Variants in SLC2A14 observed in about 807,000 individuals in gnomAD.
The protein encoded by SLC2A14 is solute carrier family 2, facilitated glucose transporter member 14.
Under a neutral mutation model 43.0 loss-of-function variants are expected in SLC2A14, and 13 were observed. The observed-to-expected ratio is 0.30, with a 90% CI of 0.20 to 0.48. The LOEUF is 0.48. SLC2A14 is among the 20% of genes least tolerant of loss of function. The pLI is 0.99. For synonymous variants in SLC2A14, 190 were observed against 233.8 expected (o/e 0.81, Z 1.71); for missense variants, 428 against 620.4 (o/e 0.69, Z 3.29).
chr12:7,860,153 T>C (rs923206284), intron 2 of SLC2A14, among the ~76,000 whole-genome samples: 1 of 152,036 alleles, frequency 6.6e-6, no homozygotes, highest in Non-Finnish European at 1.5e-5. Flanking sequence ...GTACTGGCCC[T>C]GGAGAAAAAC....
intron 2 of SLC2A14, chr12:7,840,025 T>C (rs1865808145): frequency 1.5e-5 from 5 of 341,014 alleles, no homozygotes; most frequent in Admixed American, 7.8e-5. Context: ...GGTGGGAGGA[T>C]CACTTGAGCC....
intron 1 of SLC2A14, among the ~76,000 whole-genome samples, chr12:7,882,649 C>A (rs1945607158): frequency 6.6e-6 from 1 of 152,140 alleles, no homozygotes; most frequent in African/African-American, 2.4e-5. Flanking sequence ...CCAGCCTGGT[C>A]AACATGGCTA....
intron 1 of SLC2A14, among the ~76,000 whole-genome samples, chr12:7,882,898 A>C (rs764608573): frequency 6.6e-6 from 1 of 151,790 alleles, no homozygotes; most frequent in Non-Finnish European, 1.5e-5. Context: ...TTTAAAAAAA[A>C]AAAAGGACTA....
At chr12:7,882,642 G>C (rs893908999) in intron 1 of SLC2A14, among the ~76,000 whole-genome samples, 2 of 152,140 alleles carry the variant, frequency 1.3e-5, no homozygotes, top group African/African-American at 4.8e-5. Context: ...TTAAAGACCA[G>C]CCTGGTCAAC....
chr12:7,854,273 C>G (rs1312613534), intron 2 of SLC2A14, among the ~76,000 whole-genome samples: 3 of 152,004 alleles, frequency 2.0e-5, no homozygotes, highest in Non-Finnish European at 4.4e-5. Context: ...ATTGCAAAAG[C>G]TAGGAGTTAT....
intron 2 of SLC2A14, among the ~76,000 whole-genome samples, chr12:7,868,660 C>T (rs1945051942): frequency 1.3e-5 from 2 of 152,068 alleles, no homozygotes; most frequent in Non-Finnish European, 2.9e-5. Flanking sequence ...CAGAAAAAAG[C>T]TACATATTAG....
At chr12:7,856,636 T>A (rs1218175122) in intron 2 of SLC2A14, among the ~76,000 whole-genome samples, 2 of 152,104 alleles carry the variant, frequency 1.3e-5, no homozygotes, top group Non-Finnish European at 2.9e-5. Context: ...ATTGACGGCA[T>A]CGATGGAGAT....
Position 7,832,711 on chromosome 12 carries a change from C to G in SLC2A14, c.111+11G>C. 1.9e-6 allele frequency: 3 copies of G among 1,613,088 alleles called. No individual in the cohort carries two copies. Among genetic ancestry groups the G allele is most frequent in the Non-Finnish European group, 1.7e-6 (2 of 1,179,248 alleles). ...TATTCCAGATTCTAATTCTTGTGGCCTGGCACTCACCGTCTCAGGAGCATT... is the reference window on the plus strand; with the variant it reads ...TATTCCAGATTCTAATTCTTGTGGCGTGGCACTCACCGTCTCAGGAGCATT... On this transcript the variant is annotated intron_variant, in intron 3 of 10. Transcript: ENST00000431042.
rs116469990 is a variant in SLC2A14, at chr12:7,870,859, G to A, written c.-57-922C>T. On this transcript the variant is annotated intron_variant, in intron 1 of 10. Transcript: ENST00000431042. ...CACCCACCTGAAGCCAAAATGTTCA[G>A]CAAGTGGACCAAAGCCAAGACCACC... 7.5e-4 allele frequency: 958 copies of A among 1,285,154 alleles called. 5 individuals carry two copies. The African/African-American group carries it at 0.013, about 18-fold the overall frequency. 79.6% of individuals were successfully genotyped at this position (1,285,154 alleles called of 1,614,324 possible). A position where few individuals can be genotyped will look rare whatever the true frequency, so the allele number is the denominator to read the frequency against.
chr12:7,832,590 C>T (rs1159254163), intron 3 of SLC2A14, 132 bp downstream of exon 3: 4 of 938,472 alleles, frequency 4.3e-6, no homozygotes, highest in South Asian at 1.6e-5. Context: ...ATCTTTAAGC[C>T]TCAGCCTCCG....
chr12:7,883,037 T>C (rs146644657), intron 1 of SLC2A14, among the ~76,000 whole-genome samples: 1,867 of 146,494 alleles, frequency 0.013, 33 homozygotes, highest in African/African-American at 0.048. Flanking sequence ...GGTGAAACCC[T>C]GTCTCTACTA....
At chr12:7,816,085 TTTTA>T (rs1863424171) in intron 10 of SLC2A14, among the ~76,000 whole-genome samples, 1 of 45,436 alleles carries the variant, frequency 2.2e-5, no homozygotes, top group African/African-American at 9.0e-5. Flanking sequence ...AATTTTTATT[TTTTA>T]TTTTTTTTAT....
chr12:7,815,920 G>C (rs1378315169), intron 10 of SLC2A14, among the ~76,000 whole-genome samples: 1 of 146,776 alleles, frequency 6.8e-6, no homozygotes, highest in Non-Finnish European at 1.5e-5. Flanking sequence ...TTGTTTTTGA[G>C]ATGGAGTTTT....
chr12:7,839,806 G>C (rs1003809654), intron 2 of SLC2A14: 9 of 452,436 alleles, frequency 2.0e-5, no homozygotes, highest in African/African-American at 1.8e-4. Context: ...AGGCTCGATG[G>C]CTCATGCCTG....
At chr12:7,891,005 G>A (rs747341980) in exon 1 of SLC2A14, 9 of 1,534,398 alleles carry the variant, frequency 5.9e-6, no homozygotes, top group African/African-American at 2.7e-5. Flanking sequence ...CCTCCTCCCC[G>A]ACGCCCCCAT....
At chr12:7,878,178 G>A (rs1259704206), upstream of SLC2A14, among the ~76,000 whole-genome samples, 1 of 152,018 alleles carries the variant, frequency 6.6e-6, no homozygotes, top group East Asian at 1.9e-4. Flanking sequence ...AGCCTCCCAG[G>A]TTGCTGGGAC....
intron 9 of SLC2A14, 109 bp from the exon 10 acceptor site, chr12:7,818,143 A>G: frequency 1.1e-6 from 1 of 947,238 alleles, no homozygotes; most frequent in South Asian, 1.8e-5. Context: ...CGTACAATAC[A>G]AAGAGTGGCT....
upstream of SLC2A14, chr12:7,873,059 C>G (rs527680884): frequency 1.0e-6 from 1 of 985,400 alleles, no homozygotes; most frequent in Non-Finnish European, 1.2e-6. Flanking sequence ...TCGGGGTTGT[C>G]CGGCCCCTCC....
Position 7,815,240 on chromosome 12 carries a change from G to A in SLC2A14, c.1276-706C>T, listed in dbSNP as rs139884153. Among the ~76,000 whole-genome samples, 666 of 151,486 alleles carry A rather than the reference G, an allele frequency of 4.4e-3. 23 individuals carry two copies. The East Asian group carries it at 0.062, about 14-fold the overall frequency. On this transcript the variant is annotated intron_variant, in intron 10 of 10. Coordinates refer to ENST00000431042, the MANE Select transcript of SLC2A14 (RefSeq NM_001286234.2). ...AGCCTGGCCAACATGGCAAAACCCC[G>A]TCTCTACTAAAAATACAAAAAAAAA... is the stretch of plus-strand genomic sequence containing the variant.
Sources: allele counts gnomAD v4.1 joint callset (sites outside exome capture counted in the v4.1 genomes callset), GRCh38; gene constraint gnomAD v4.1.1; transcripts MANE v1.5; gene names NCBI Gene and HGNC (gene_info 2026-07-23, HGNC 2026-07-21).